The following CORO7 variants were observed in gnomAD, a reference collection of about 807,000 sequenced individuals.
The protein encoded by CORO7 is coronin-7.
A neutral mutation model predicts 126.6 loss-of-function variants in CORO7; 107 were observed. That is an observed-to-expected ratio of 0.85 (90% CI 0.72 to 0.99). The LOEUF is 0.99. Ranked by LOEUF, CORO7 falls within the 50% of genes least tolerant of loss-of-function variation. CORO7 has a pLI of 0.00. For missense variants in CORO7, 1,314 were observed against 1,255.8 expected, an observed-to-expected ratio of 1.05 and a Z score of -0.70; for synonymous variants, 603 against 536.8, an observed-to-expected ratio of 1.12 and a Z score of -1.70.
At chr16:4,357,683 C>T in intron 25 of CORO7, 1 of 470,354 alleles carries the variant, frequency 2.1e-6, no homozygotes, top group Non-Finnish European at 3.6e-6. Context: ...TGGCGCAGAT[C>T]TAAGAGGTGG....
chr16:4,364,321 G>C lies in CORO7; in HGVS notation c.1230C>G (p.Ala410=). The change falls in exon 14 of 28, where the codon GCC becomes GCG. Residue 410 remains alanine (A), a synonymous_variant. Coordinates refer to ENST00000251166, the MANE Select transcript of CORO7 (RefSeq NM_024535.5). ...CGGGTGTCTCCATCACCGCAGGCTG[G>C]GCTGTGTCAGGGAGGGGCTCCGCAG... ...VPPAEPLPDT[A]QPAVMETPVG... 6.5e-7 allele frequency: 1 copy of C among 1,542,990 alleles called. No homozygotes were observed. Among genetic ancestry groups the C allele is most frequent in the Non-Finnish European group, 8.7e-7 (1 of 1,149,050 alleles).
At chr16:4,381,532 C>T (rs1043490243) in intron 9 of CORO7, 5 of 1,603,552 alleles carry the variant, frequency 3.1e-6, no homozygotes, top group Non-Finnish European at 4.3e-6. Context: ...GCGCAACCTC[C>T]ACGACCTGGA....
Position 4,382,188 on chromosome 16 carries a change from G to A in CORO7, c.785+5798C>T, listed in dbSNP as rs369159357. The A allele has an allele frequency of 1.9e-5, 31 of 1,599,676 alleles. No individual in the cohort carries two copies. The African/African-American group carries it at 2.5e-4, about 13-fold the overall frequency. ...CGTGCTTGTGCCCCGAAGGCTTCAC[G>A]GGCCTGTACTGTGAGAGCCAGATGG... is the stretch of plus-strand genomic sequence containing the variant. On this transcript the variant is annotated intron_variant, in intron 9 of 27. Transcript: ENST00000251166.
intron 9 of CORO7, 62 bp from the exon 10 acceptor site, chr16:4,365,607 C>T: frequency 3.2e-6 from 5 of 1,547,810 alleles, no homozygotes; most frequent in Non-Finnish European, 4.4e-6. Flanking sequence ...ACTCGTAACC[C>T]CATGTAGGAG....
intron 21 of CORO7, 146 bp from the exon 22 acceptor site, chr16:4,359,767 C>T: frequency 1.9e-6 from 2 of 1,056,968 alleles, no homozygotes; most frequent in Non-Finnish European, 1.3e-6. Flanking sequence ...TCCTAACCTG[C>T]CCCTCCACCT....
At position 4,361,256 on chromosome 16, in the gene CORO7, G is replaced by A; in HGVS notation, c.1688-8C>T. ...TCCTGGCGTCCTCACCAGCTGCAGA[G>A]GACAGACAGGGGCTCATCATTGCTG... On this transcript the variant is annotated splice_polypyrimidine_tract_variant and splice_region_variant and intron_variant, in intron 17 of 27. Transcript: ENST00000251166. The A allele has an allele frequency of 1.2e-6, 2 of 1,612,506 alleles. No homozygotes were observed. Among genetic ancestry groups the A allele is most frequent in the Non-Finnish European group, 1.7e-6 (2 of 1,179,920 alleles).
In CORO7 at chr16:4,359,113, T is replaced by C. The variant is rs149781200; in HGVS notation, c.2340+183A>G. 3.6e-5 allele frequency: 25 copies of C among 691,736 alleles called. No homozygotes were observed. The African/African-American group carries it at 4.5e-4, about 13-fold the overall frequency. 42.8% of individuals were successfully genotyped at this position (691,736 alleles called of 1,614,324 possible). On this transcript the variant is annotated intron_variant, in intron 23 of 27. Coordinates refer to ENST00000251166, the MANE Select transcript of CORO7 (RefSeq NM_024535.5). Reference sequence around the variant, plus strand: ...TAATGGTTGAGTATGACAATGGCTCTCAAAATTCCTAAATAATTCCAGCAG... The same window carrying C: ...TAATGGTTGAGTATGACAATGGCTCCCAAAATTCCTAAATAATTCCAGCAG...
At chr16:4,367,957 G>A (rs950825052) in intron 9 of CORO7, among the ~76,000 whole-genome samples, 1 of 152,190 alleles carries the variant, frequency 6.6e-6, no homozygotes, top group Non-Finnish European at 1.5e-5. Context: ...CCAGCACTTT[G>A]GGAGGCTGAG....
chr16:4,364,508 C>G, intron 13 of CORO7, 89 bp downstream of exon 13: 1 of 1,487,628 alleles, frequency 6.7e-7, no homozygotes, highest in Middle Eastern at 2.4e-4. Flanking sequence ...TGGGGGGCAC[C>G]CAGCAGGCCA....
Position 4,362,651 on chromosome 16 carries a change from C to A in CORO7, c.1363G>T (p.Gly455Trp). ...AGCGACCTCAAACTGGGGCTGGTCC[C>A]GATGCCACTGGTGCTGGAGAGTGAG... ...GPSLSSTSGI[G>W]TSPSLRSLQS... Residue 455 changes from glycine (G) to tryptophan (W), a missense_variant, in exon 15 of 28, where the codon GGG becomes TGG. Physicochemically the swap from Gly to Trp is radical, Grantham distance 184. Transcript: ENST00000251166. The surrounding 1 kb of genome is among the most constrained non-coding windows in gnomAD (Gnocchi z 5.3). 1 of 1,553,464 alleles carries A rather than the reference C, an allele frequency of 6.4e-7. No individual in the cohort carries two copies. Among genetic ancestry groups the A allele is most frequent in the Middle Eastern group, 1.7e-4 (1 of 5,786 alleles).
chr16:4,416,147 G>C lies in CORO7; in HGVS notation c.60+312C>G, dbSNP rs966747433. Among the ~76,000 whole-genome samples, 74 of 152,134 alleles carry C rather than the reference G, an allele frequency of 4.9e-4. 1 individual carries two copies. The highest frequency in any genetic ancestry group is 1.7e-3 in the African/African-American group (72 of 41,448). On this transcript the variant is annotated intron_variant, in intron 1 of 27. Transcript: ENST00000251166. ...GGCCGACCGGAAGCTGGGAAGGCAG[G>C]CGGCCTCGCAGGCCTGGGCCCCGGC...
At chr16:4,383,052 A>G (rs995105135) in intron 9 of CORO7, 43 of 833,962 alleles carry the variant, frequency 5.2e-5, no homozygotes, top group Non-Finnish European at 6.6e-5. Flanking sequence ...TTCCCTCTGG[A>G]CCTCGGTCTC....
chr16:4,405,980 C>G (rs1182685141), intron 5 of CORO7, among the ~76,000 whole-genome samples: 1 of 152,182 alleles, frequency 6.6e-6, no homozygotes, highest in African/African-American at 2.4e-5. Flanking sequence ...TTAAATTGTG[C>G]TCCCCTAAAA....
rs1385186440 is a variant in CORO7, at chr16:4,362,702, G to A, written c.1312C>T (p.Pro438Ser). Residue 438 changes from proline to serine, a missense_variant, in exon 15 of 28, where the codon CCC (proline) becomes TCC (serine). By Grantham distance (74) the Pro-to-Ser change is moderately conservative (BLOSUM62 -1). Coordinates refer to ENST00000251166, the MANE Select transcript of CORO7 (RefSeq NM_024535.5). This position sits in a 1 kb window ranked among gnomAD's most constrained non-coding sequence, Gnocchi z 5.3. Reference sequence around the variant, plus strand: ...GGCCCCAGGCTGGAGGGCGTGGAGGGCGAGGTCAGCGAACTGGGAGGGGAA... The same window carrying A: ...GGCCCCAGGCTGGAGGGCGTGGAGGACGAGGTCAGCGAACTGGGAGGGGAA... ...FSSPPSSLTS[P>S]STPSSLGPSL... 2 of 1,458,090 alleles carry A rather than the reference G, an allele frequency of 1.4e-6. No individual in the cohort carries two copies. The highest frequency in any genetic ancestry group is 5.3e-5 in the East Asian group (2 of 37,482). 90.3% of individuals were successfully genotyped at this position (1,458,090 alleles called of 1,614,324 possible). A position where few individuals can be genotyped will look rare whatever the true frequency, so the allele number is the denominator to read the frequency against.
At chr16:4,405,468 G>A in intron 6 of CORO7, 23 bp downstream of exon 6, 1 of 1,608,568 alleles carries the variant, frequency 6.2e-7, no homozygotes, top group Non-Finnish European at 8.5e-7. Context: ...AGCCCCACAG[G>A]GCATCCCCAC....
chr16:4,402,043 A>T (rs1200191336), intron 6 of CORO7, among the ~76,000 whole-genome samples: 1 of 149,996 alleles, frequency 6.7e-6, no homozygotes, highest in Non-Finnish European at 1.5e-5. Flanking sequence ...GGTTCAAGTT[A>T]TTCTCTTGCC....
intron 9 of CORO7, among the ~76,000 whole-genome samples, chr16:4,383,757 C>T (rs116389857): frequency 1.3e-5 from 2 of 152,354 alleles, no homozygotes; most frequent in South Asian, 2.1e-4. Flanking sequence ...GCCTCACCTT[C>T]CCCAGGCCCT....
chr16:4,359,523 G>A lies in CORO7; in HGVS notation c.2207C>T (p.Pro736Leu). 6.2e-7 allele frequency: 1 copy of A among 1,613,420 alleles called. No homozygotes were observed. The change falls in exon 22 of 28, where the codon CCC (proline) becomes CTC (leucine). Residue 736 changes from proline to leucine, a missense_variant. Physicochemically the swap from Pro to Leu is moderately conservative, Grantham distance 98. Coordinates refer to ENST00000251166, the MANE Select transcript of CORO7 (RefSeq NM_024535.5). Reference sequence around the variant, plus strand: ...CAGGCCAGTGTCTGGGTCGTAGCTGGGCAGCAGGGTTGAGGGAGCCACGTC... The same window carrying A: ...CAGGCCAGTGTCTGGGTCGTAGCTGAGCAGCAGGGTTGAGGGAGCCACGTC... ...GLDVAPSTLL[P>L]SYDPDTGLVL...
chr16:4,381,619 G>T (rs369181902), intron 9 of CORO7: 2 of 1,597,578 alleles, frequency 1.3e-6, no homozygotes, highest in East Asian at 4.5e-5. Flanking sequence ...GCGGCTGGCC[G>T]GCAACACCCG....
Sources: gnomAD v4.1 joint callset for allele counts (sites outside exome capture counted in the v4.1 genomes callset) on GRCh38, gnomAD v4.1.1 for gene constraint, Gnocchi (gnomAD v3.1) non-coding constraint, MANE v1.5 for transcripts, NCBI Gene and HGNC (gene_info 2026-07-23, HGNC 2026-07-21) for gene names.